The following ERC2 variants were observed in gnomAD, a reference collection of about 807,000 sequenced individuals.
ERC2 encodes the protein ERC protein 2.
ERC2 carries 42 observed loss-of-function variants against 114.8 expected under a neutral mutation model. The ratio of observed to expected loss-of-function variants is 0.37; its 90% CI spans 0.29 to 0.47. ERC2 has a LOEUF of 0.47. Ranked by LOEUF, ERC2 falls within the 20% of genes least tolerant of loss-of-function variation. The pLI, the probability that ERC2 is intolerant of heterozygous loss-of-function variation, is 0.99. For synonymous variants in ERC2, 454 were observed against 425.5 expected (o/e 1.07, Z -0.82); for missense variants, 939 against 1,150.7 (o/e 0.82, Z 2.66).
At chr3:55,647,917 G>A (rs1172649793) in intron 17 of ERC2, among the ~76,000 whole-genome samples, 3 of 152,214 alleles carry the variant, frequency 2.0e-5, no homozygotes, top group South Asian at 2.1e-4. Flanking sequence ...GTGCGTTGGC[G>A]GGTGGAGCAG....
intron 10 of ERC2, among the ~76,000 whole-genome samples, chr3:55,997,934 T>G (rs1238903442): frequency 1.4e-5 from 2 of 141,716 alleles, no homozygotes; most frequent in Non-Finnish European, 3.1e-5. Flanking sequence ...TTTTTGTTTT[T>G]TTTTTTTTTT....
intron 17 of ERC2, among the ~76,000 whole-genome samples, chr3:55,548,685 G>T: frequency 6.6e-6 from 1 of 152,150 alleles, no homozygotes; most frequent in Admixed American, 6.5e-5. Flanking sequence ...TCCTTCGATG[G>T]GCCACTTGGC....
intron 3 of ERC2, among the ~76,000 whole-genome samples, chr3:56,291,858 C>G (rs2055109487): frequency 6.6e-6 from 1 of 151,050 alleles, no homozygotes. Context: ...AAAGTACATT[C>G]TAAAACTCAG....
At chr3:56,290,485 T>G (rs1460062402) in intron 3 of ERC2, among the ~76,000 whole-genome samples, 1 of 152,214 alleles carries the variant, frequency 6.6e-6, no homozygotes, top group Non-Finnish European at 1.5e-5. Context: ...TATGTTTATA[T>G]GTTTGGGAAT....
At chr3:55,783,761 C>A (rs2069252699) in intron 14 of ERC2, among the ~76,000 whole-genome samples, 1 of 152,092 alleles carries the variant, frequency 6.6e-6, no homozygotes, top group Admixed American at 6.5e-5. Flanking sequence ...CTTGCCCCAA[C>A]AGGTGATAAC....
At chr3:56,077,427 C>T (rs773403655) in intron 7 of ERC2, among the ~76,000 whole-genome samples, 2 of 152,214 alleles carry the variant, frequency 1.3e-5, no homozygotes, top group East Asian at 1.9e-4. Flanking sequence ...ATCATGTTGC[C>T]GAAAGGAGCC....
intron 17 of ERC2, among the ~76,000 whole-genome samples, chr3:55,552,175 G>A (rs1425894831): frequency 1.3e-5 from 2 of 152,166 alleles, no homozygotes; most frequent in African/African-American, 4.8e-5. Context: ...CCCAAAAGGT[G>A]AGGTCTGATT....
chr3:55,525,903 A>C (rs1396400388), intron 17 of ERC2, among the ~76,000 whole-genome samples: 4 of 152,182 alleles, frequency 2.6e-5, no homozygotes, highest in Non-Finnish European at 5.9e-5. Context: ...CTGTCCCCTA[A>C]AAAGATATTT....
chr3:56,174,797 G>A (rs1183999760), intron 3 of ERC2, among the ~76,000 whole-genome samples: 1 of 152,086 alleles, frequency 6.6e-6, no homozygotes, highest in Non-Finnish European at 1.5e-5. Context: ...GGCCAACACG[G>A]TGAAACCCTG....
chr3:55,984,221 T>C (rs920605581), intron 12 of ERC2, among the ~76,000 whole-genome samples: 1 of 151,990 alleles, frequency 6.6e-6, no homozygotes, highest in Admixed American at 6.5e-5. Context: ...AGAGAACCAC[T>C]GGACATCCAT....
intron 4 of ERC2, among the ~76,000 whole-genome samples, chr3:56,153,469 A>G (rs2149965166): frequency 6.6e-6 from 1 of 152,308 alleles, no homozygotes. Flanking sequence ...CACAAGGGCC[A>G]AGACTGACCA....
At chr3:55,683,338 T>C (rs1303531082) in intron 17 of ERC2, among the ~76,000 whole-genome samples, 1 of 152,190 alleles carries the variant, frequency 6.6e-6, no homozygotes, top group Non-Finnish European at 1.5e-5. Flanking sequence ...TGAAGATACA[T>C]ATTTTATTTT....
intron 17 of ERC2, among the ~76,000 whole-genome samples, chr3:55,528,990 A>C (rs1575481507): frequency 6.6e-6 from 1 of 152,182 alleles, no homozygotes; most frequent in Non-Finnish European, 1.5e-5. Context: ...GAGAGGCTAA[A>C]TCCAAGGTTG....
At chr3:56,194,071 A>G (rs2047949095) in intron 3 of ERC2, among the ~76,000 whole-genome samples, 1 of 152,186 alleles carries the variant, frequency 6.6e-6, no homozygotes, top group Non-Finnish European at 1.5e-5. Flanking sequence ...TCATGCCATA[A>G]GGTCCCTAAT....
chr3:56,437,921 CA>C (rs1251250832), intron 1 of ERC2, among the ~76,000 whole-genome samples: 1 of 152,152 alleles, frequency 6.6e-6, no homozygotes, highest in Non-Finnish European at 1.5e-5. Context: ...GTAAAACACA[CA>C]AATACACATA....
intron 4 of ERC2, among the ~76,000 whole-genome samples, chr3:56,171,510 T>C (rs1178400768): frequency 6.6e-6 from 1 of 152,204 alleles, no homozygotes; most frequent in East Asian, 1.9e-4. Context: ...AAAATACAAA[T>C]GCCTCATGCC....
At chr3:56,311,754 A>C (rs1279403944) in intron 2 of ERC2, among the ~76,000 whole-genome samples, 3 of 151,558 alleles carry the variant, frequency 2.0e-5, no homozygotes, top group Admixed American at 2.0e-4. Context: ...CCGTTAATCA[A>C]CTCTACCAAG....
intron 14 of ERC2, among the ~76,000 whole-genome samples, chr3:55,772,409 G>C (rs2068285455): frequency 6.6e-6 from 1 of 152,150 alleles, no homozygotes; most frequent in Admixed American, 6.5e-5. Flanking sequence ...CCGCCTCCCG[G>C]GTTCATGCCA....
chr3:56,033,611 C>T lies in ERC2; in HGVS notation c.1642-14580G>A, dbSNP rs542107781. Among the ~76,000 whole-genome samples, 11 of 152,200 alleles carry T rather than the reference C, an allele frequency of 7.2e-5. No individual in the cohort carries two copies. The South Asian group carries it at 2.1e-3, about 29-fold the overall frequency. ...TTTTGTTTGTCTAGGAAACTTTTAT[C>T]ACTCCTTAATTTCTGAAGGACAGCT... is the stretch of plus-strand genomic sequence containing the variant. On this transcript the variant is annotated intron_variant, in intron 7 of 17. Transcript: ENST00000288221.
Sources: gnomAD v4.1 joint callset for allele counts (sites outside exome capture counted in the v4.1 genomes callset) on GRCh38, gnomAD v4.1.1 for gene constraint, MANE v1.5 for transcripts, NCBI Gene and HGNC (gene_info 2026-07-23, HGNC 2026-07-21) for gene names.